Variants in PARN observed in about 807,000 individuals in gnomAD.
PARN encodes the protein poly(A)-specific ribonuclease.
A neutral mutation model predicts 102.8 loss-of-function variants in PARN; 71 were observed. The observed-to-expected ratio is 0.69, with a 90% CI of 0.57 to 0.84. PARN has a LOEUF of 0.84. Among genes scored for constraint, PARN ranks in the 40% least tolerant of loss-of-function variants. The pLI is 0.00. For missense variants in PARN, 782 were observed against 760.9 expected, an observed-to-expected ratio of 1.03 and a Z score of -0.33; for synonymous variants, 261 against 252.9, an observed-to-expected ratio of 1.03 and a Z score of -0.30.
chr16:14,459,263 C>T (rs957221525), intron 22 of PARN, among the ~76,000 whole-genome samples: 3 of 151,932 alleles, frequency 2.0e-5, no homozygotes, highest in East Asian at 1.9e-4. Flanking sequence ...ATTTCTCAAA[C>T]GAAAAATATC....
intron 21 of PARN, among the ~76,000 whole-genome samples, chr16:14,490,508 T>C (rs146117988): frequency 2.6e-5 from 4 of 152,334 alleles, no homozygotes; most frequent in Non-Finnish European, 5.9e-5. Flanking sequence ...TAACCTGGTG[T>C]GTTACTCCAC....
chr16:14,527,244 T>C (rs953114034), intron 21 of PARN, among the ~76,000 whole-genome samples: 1 of 152,196 alleles, frequency 6.6e-6, no homozygotes, highest in Admixed American at 6.5e-5. Flanking sequence ...CCTGACGACA[T>C]GATAAATTGA....
intron 21 of PARN, among the ~76,000 whole-genome samples, chr16:14,505,463 A>C (rs1964845760): frequency 6.6e-6 from 1 of 152,050 alleles, no homozygotes; most frequent in Non-Finnish European, 1.5e-5. Context: ...GTAACAAAGC[A>C]AGATCTCGTC....
chr16:14,575,292 C>A (rs1358834848), intron 18 of PARN, among the ~76,000 whole-genome samples: 1 of 152,170 alleles, frequency 6.6e-6, no homozygotes, highest in Non-Finnish European at 1.5e-5. Context: ...CACCATGCAT[C>A]TGGAAAAGCC....
intron 22 of PARN, among the ~76,000 whole-genome samples, chr16:14,481,444 G>A (rs996638301): frequency 6.6e-6 from 1 of 152,158 alleles, no homozygotes; most frequent in African/African-American, 2.4e-5. Context: ...ATTTAAAAAT[G>A]GTTGCTTAGG....
Position 14,436,679 on chromosome 16 carries a change from A to G in PARN, c.*38T>C. The stretch of plus-strand genomic sequence containing the variant: ...AATGTGCCAGCCGGCTCTTGCTCAC[A>G]GCGACAGCACCAGCGGTTTGCTGCC... On this transcript the variant is annotated 3_prime_UTR_variant, in exon 24 of 24. Coordinates refer to ENST00000437198, the MANE Select transcript of PARN (RefSeq NM_002582.4). 6.6e-7 allele frequency: 1 copy of G among 1,505,078 alleles called. No homozygotes were observed. The highest frequency in any genetic ancestry group is 9.1e-7 in the Non-Finnish European group (1 of 1,094,684). The allele number at this position is 1,505,078 out of a possible 1,614,324, so 93.2% of individuals were successfully genotyped here. A position where few individuals can be genotyped will look rare whatever the true frequency, so the allele number is the denominator to read the frequency against.
At chr16:14,491,116 A>T (rs1964036009) in intron 21 of PARN, among the ~76,000 whole-genome samples, 1 of 151,906 alleles carries the variant, frequency 6.6e-6, no homozygotes, top group Non-Finnish European at 1.5e-5. Context: ...CAACATGCCC[A>T]AAGAAGTAAA....
intron 18 of PARN, among the ~76,000 whole-genome samples, chr16:14,562,747 A>C (rs1968152388): frequency 6.6e-6 from 1 of 152,204 alleles, no homozygotes; most frequent in Non-Finnish European, 1.5e-5. Flanking sequence ...AGCTTTAGCC[A>C]CTAATGCAGC....
intron 22 of PARN, among the ~76,000 whole-genome samples, chr16:14,457,845 A>G (rs1193420397): frequency 6.7e-6 from 1 of 150,074 alleles, no homozygotes; most frequent in Non-Finnish European, 1.5e-5. Flanking sequence ...AACAAACTTA[A>G]CATTAAATAA....
intron 21 of PARN, among the ~76,000 whole-genome samples, chr16:14,503,799 C>G (rs553477647): frequency 6.6e-6 from 1 of 152,292 alleles, no homozygotes; most frequent in Non-Finnish European, 1.5e-5. Flanking sequence ...AACTGAAGAC[C>G]CTGTTGAATG....
In PARN at chr16:14,590,634, C is replaced by CAA. The variant is rs966183881; in HGVS notation, c.918+2665_918+2666dup. Among the ~76,000 whole-genome samples the CAA allele has an allele frequency of 7.6e-3, 482 of 63,500 alleles. 4 individuals carry two copies. The highest frequency in any genetic ancestry group is 0.024 in the African/African-American group (431 of 17,960). The allele number at this position is 63,500 out of a possible 152,430, so 41.7% of individuals were successfully genotyped here. On this transcript the variant is annotated intron_variant, in intron 13 of 23. Transcript: ENST00000437198. ...TGGGCCACAGAACAAGATTCAGTCT[C>CAA]AAAAAAAAAAAAAAAAAAAGAAATG...
chr16:14,504,627 C>T (rs1477263758), intron 21 of PARN, among the ~76,000 whole-genome samples: 3 of 152,014 alleles, frequency 2.0e-5, no homozygotes, highest in African/African-American at 4.8e-5. Flanking sequence ...AGAAAAAATA[C>T]GCTTTCAAAG....
intron 21 of PARN, among the ~76,000 whole-genome samples, chr16:14,514,754 GC>G (rs1227105536): frequency 1.3e-5 from 2 of 152,222 alleles, no homozygotes; most frequent in African/African-American, 4.8e-5. Flanking sequence ...CGGCCAGAAG[GC>G]CCTGTAGCAC....
intron 6 of PARN, 57 bp downstream of exon 6, chr16:14,617,533 T>TC (rs1214921475): frequency 1.1e-6 from 1 of 882,160 alleles, no homozygotes; most frequent in African/African-American, 1.6e-5. Flanking sequence ...CAGACTTACT[T>TC]CCCAAGGATA....
At chr16:14,534,433 G>T (rs1966520595) in intron 21 of PARN, among the ~76,000 whole-genome samples, 1 of 152,066 alleles carries the variant, frequency 6.6e-6, no homozygotes, top group Non-Finnish European at 1.5e-5. Context: ...TATAATCACA[G>T]AAGTGCATAC....
At chr16:14,626,637 AGTCTCGCTCT>A (rs1336467508) in intron 5 of PARN, among the ~76,000 whole-genome samples, 3 of 149,534 alleles carry the variant, frequency 2.0e-5, no homozygotes, top group Admixed American at 2.0e-4. Flanking sequence ...TTTGAGCCAG[AGTCTCGCTCT>A]GTTGCCCAAG....
chr16:14,504,938 C>A (rs1964811076), intron 21 of PARN, among the ~76,000 whole-genome samples: 1 of 152,036 alleles, frequency 6.6e-6, no homozygotes, highest in African/African-American at 2.4e-5. Context: ...GATATAGACA[C>A]TAAACAAAAA....
chr16:14,581,056 A>AT, intron 17 of PARN, 113 bp from the exon 18 acceptor site: 1 of 616,484 alleles, frequency 1.6e-6, no homozygotes. Flanking sequence ...TGTGAAAGGT[A>AT]TTCTTTTTTT....
intron 22 of PARN, among the ~76,000 whole-genome samples, chr16:14,459,152 C>CT (rs1961835508): frequency 6.6e-6 from 1 of 152,140 alleles, no homozygotes. Flanking sequence ...CAACAATGTA[C>CT]TAGAGGTCCT....
Sources: gnomAD v4.1 joint callset for allele counts (sites outside exome capture counted in the v4.1 genomes callset) on GRCh38, gnomAD v4.1.1 for gene constraint, MANE v1.5 for transcripts, NCBI Gene and HGNC (gene_info 2026-07-23, HGNC 2026-07-21) for gene names.